Variants in OSBP observed in about 807,000 individuals in gnomAD.
The protein encoded by OSBP is oxysterol binding protein, also known as oxysterol-binding protein 1.
OSBP carries 32 observed loss-of-function variants against 96.6 expected under a neutral mutation model. That is an observed-to-expected ratio of 0.33 (90% CI 0.25 to 0.45). The LOEUF (loss-of-function observed/expected upper bound fraction) is 0.45, where lower values mean the gene tolerates loss of function less well. Among genes scored for constraint, OSBP ranks in the 20% least tolerant of loss-of-function variants. The pLI, the probability that OSBP is intolerant of heterozygous loss-of-function variation, is 1.00. For missense variants in OSBP, 653 were observed against 1,029.7 expected, an observed-to-expected ratio of 0.63 and a Z score of 5.01; for synonymous variants, 369 against 389.6, an observed-to-expected ratio of 0.95 and a Z score of 0.62.
chr11:59,607,524 G>GTCA lies in OSBP; in HGVS notation c.822+957_822+959dup, dbSNP rs533255146. ...ATGAGAAAAACGATACTTTCCCATG[G>GTCA]TCATGGGAAAGTCTGGCACTAGAGA... On this transcript the variant is annotated intron_variant, in intron 3 of 13. Coordinates refer to ENST00000263847, the MANE Select transcript of OSBP (RefSeq NM_002556.3). Among the ~76,000 whole-genome samples the GTCA allele has an allele frequency of 2.0e-4, 30 of 152,102 alleles. No homozygotes were observed. In the South Asian group the frequency reaches 6.2e-3, roughly 32 times the overall value.
intron 3 of OSBP, among the ~76,000 whole-genome samples, chr11:59,605,756 G>A (rs891828183): frequency 6.6e-6 from 1 of 152,130 alleles, no homozygotes; most frequent in African/African-American, 2.4e-5. Flanking sequence ...GCACTTTGCC[G>A]AGCACTTCAC....
chr11:59,586,475 A>G (rs916290240), intron 9 of OSBP, among the ~76,000 whole-genome samples: 2 of 152,234 alleles, frequency 1.3e-5, no homozygotes, highest in African/African-American at 2.4e-5. Context: ...AAGGTTGTCA[A>G]TGCCACCCAA....
At chr11:59,597,242 G>C (rs1038193433) in intron 7 of OSBP, among the ~76,000 whole-genome samples, 2 of 151,880 alleles carry the variant, frequency 1.3e-5, no homozygotes, top group African/African-American at 4.8e-5. Flanking sequence ...TATTTTTAGA[G>C]AGATGTTGGC....
intron 7 of OSBP, among the ~76,000 whole-genome samples, chr11:59,595,756 A>C (rs1860641910): frequency 6.6e-6 from 1 of 151,534 alleles, no homozygotes. Flanking sequence ...CCTGGGAAAC[A>C]TGGCAAAACA....
At chr11:59,593,917 A>C in intron 8 of OSBP, 93 bp downstream of exon 8, 4 of 1,498,244 alleles carry the variant, frequency 2.7e-6, no homozygotes, top group Non-Finnish European at 3.6e-6. Flanking sequence ...GACAGGGACT[A>C]GAATTTCTGC....
Position 59,615,480 on chromosome 11 carries a change from G to C in OSBP, c.185C>G (p.Ala62Gly). Residue 62 changes from alanine (A) to glycine (G), a missense_variant, in exon 1 of 14, where the codon GCC becomes GGC. Coordinates refer to ENST00000263847, the MANE Select transcript of OSBP (RefSeq NM_002556.3). The part of the protein sequence containing the change: ...AAAAGGPGPG[A>G]GGVAAAGPAP... The stretch of plus-strand genomic sequence containing the variant: ...CGGGCCAGCCGCCGCCACTCCCCCG[G>C]CCCCCGGGCCCGGGCCTCCCGCCGC... 1 of 1,214,276 alleles carries C rather than the reference G, an allele frequency of 8.2e-7. No homozygotes were observed. The allele number at this position is 1,214,276 out of a possible 1,614,324, so 75.2% of individuals were successfully genotyped here. A position where few individuals can be genotyped will look rare whatever the true frequency, so the allele number is the denominator to read the frequency against.
intron 6 of OSBP, 52 bp downstream of exon 6, chr11:59,600,767 G>A (rs1321702769): frequency 2.0e-6 from 3 of 1,477,076 alleles, no homozygotes; most frequent in Non-Finnish European, 9.3e-7. Flanking sequence ...AAAAATCCTT[G>A]GGAATCACAA....
chr11:59,584,778 G>C (rs1860473281), intron 9 of OSBP, among the ~76,000 whole-genome samples: 1 of 152,120 alleles, frequency 6.6e-6, no homozygotes. Flanking sequence ...CATAGTACTG[G>C]AAGTTTTAGC....
At chr11:59,576,746 A>T (rs764220214) in intron 13 of OSBP, 27 bp from the exon 14 acceptor site, 1 of 1,612,052 alleles carries the variant, frequency 6.2e-7, no homozygotes, top group Non-Finnish European at 8.5e-7. Context: ...GGAAAGAAAA[A>T]AATTAGTGCT....
intron 2 of OSBP, among the ~76,000 whole-genome samples, 180 bp downstream of exon 2, chr11:59,610,201 G>T (rs1422248120): frequency 6.6e-6 from 1 of 152,160 alleles, no homozygotes; most frequent in African/African-American, 2.4e-5. Flanking sequence ...CCCCTGGGGA[G>T]GAGAATCAAC....
chr11:59,589,915 G>A (rs180947650), intron 9 of OSBP, among the ~76,000 whole-genome samples: 130 of 152,236 alleles, frequency 8.5e-4, no homozygotes, highest in African/African-American at 3.0e-3. Context: ...CCCAGGAGGA[G>A]GAGGTTGCAG....
intron 9 of OSBP, among the ~76,000 whole-genome samples, chr11:59,584,554 CAATT>C (rs1281759976): frequency 6.6e-5 from 10 of 152,128 alleles, no homozygotes; most frequent in Non-Finnish European, 2.9e-5. Context: ...ATGATCATCT[CAATT>C]GATGCAGAAA....
At chr11:59,602,559 T>C (rs1477552336) in intron 3 of OSBP, among the ~76,000 whole-genome samples, 1 of 152,188 alleles carries the variant, frequency 6.6e-6, no homozygotes, top group Non-Finnish European at 1.5e-5. Flanking sequence ...AATACGGCCA[T>C]CACCTGCCTT....
chr11:59,592,247 T>C (rs763432431), intron 9 of OSBP, among the ~76,000 whole-genome samples: 1 of 152,216 alleles, frequency 6.6e-6, no homozygotes, highest in African/African-American at 2.4e-5. Flanking sequence ...TATCACTTAG[T>C]CTCCTTTTCG....
chr11:59,612,618 C>G (rs532414901), intron 1 of OSBP, among the ~76,000 whole-genome samples: 1 of 152,208 alleles, frequency 6.6e-6, no homozygotes, highest in South Asian at 2.1e-4. Flanking sequence ...TCTCGGAGCT[C>G]TTGAGTCTGG....
chr11:59,615,246 G>T, intron 1 of OSBP, 57 bp downstream of exon 1: 1 of 1,428,050 alleles, frequency 7.0e-7, no homozygotes, highest in South Asian at 1.2e-5. Context: ...CCGGAGCTGG[G>T]ACTGTTGGCA....
Position 59,615,727 on chromosome 11 carries a change from G to T in OSBP, c.-63C>A. The T allele has an allele frequency of 1.6e-6, 2 of 1,248,354 alleles. No homozygotes were observed. The highest frequency in any genetic ancestry group is 2.9e-5 in the South Asian group (1 of 35,034). 77.3% of individuals were successfully genotyped at this position (1,248,354 alleles called of 1,614,324 possible). A position where few individuals can be genotyped will look rare whatever the true frequency, so the allele number is the denominator to read the frequency against. ...CTACGAGAGCCGCCGTCGCCGCCCG[G>T]AGCGCCCCACACGGCTACCGCATCA... On this transcript the variant is annotated 5_prime_UTR_variant, in exon 1 of 14. Coordinates refer to ENST00000263847, the MANE Select transcript of OSBP (RefSeq NM_002556.3).
At chr11:59,597,144 C>T (rs549781993) in intron 7 of OSBP, among the ~76,000 whole-genome samples, 160 of 151,682 alleles carry the variant, frequency 1.1e-3, no homozygotes, top group Non-Finnish European at 1.9e-3. Context: ...CTGCAATCTC[C>T]GCCTCCCAGA....
chr11:59,604,848 C>CT (rs1439108497), intron 3 of OSBP, among the ~76,000 whole-genome samples: 8 of 144,976 alleles, frequency 5.5e-5, no homozygotes, highest in African/African-American at 1.9e-4. Context: ...GAGCAATACT[C>CT]TGTCTCTAAA....
Sources: allele counts gnomAD v4.1 joint callset (sites outside exome capture counted in the v4.1 genomes callset), GRCh38; gene constraint gnomAD v4.1.1; transcripts MANE v1.5; gene names NCBI Gene and HGNC (gene_info 2026-07-23, HGNC 2026-07-21).